LRRC7: variants seen among roughly 807,000 people sequenced by gnomAD.
The protein encoded by LRRC7 is leucine-rich repeat-containing protein 7.
LRRC7 carries 23 observed loss-of-function variants against 175.7 expected under a neutral mutation model. The ratio of observed to expected loss-of-function variants is 0.13; its 90% CI spans 0.09 to 0.19. The LOEUF is 0.19. Ranked by LOEUF, LRRC7 falls within the 10% of genes least tolerant of loss-of-function variation. The probability of loss-of-function intolerance (pLI) is 1.00; values close to 1 mark genes in which losing one functional copy is unlikely to be tolerated. For synonymous variants in LRRC7, 685 were observed against 680.9 expected, an observed-to-expected ratio of 1.01 and a Z score of -0.09; for missense variants, 1,354 against 1,904.7, an observed-to-expected ratio of 0.71 and a Z score of 5.38.
intron 1 of LRRC7, among the ~76,000 whole-genome samples, chr1:69,664,289 A>G (rs1037081483): frequency 6.6e-6 from 1 of 152,190 alleles, no homozygotes; most frequent in Non-Finnish European, 1.5e-5. Flanking sequence ...TTTTTGATAG[A>G]CTGATTTCCT....
At chr1:70,073,369 T>C (rs1398891321) in intron 23 of LRRC7, among the ~76,000 whole-genome samples, 2 of 152,064 alleles carry the variant, frequency 1.3e-5, no homozygotes, top group Non-Finnish European at 1.5e-5. Flanking sequence ...CTGAAGGCTA[T>C]TACACCGGGA....
Position 70,125,652 on chromosome 1 carries a change from C to T in LRRC7, c.*3765C>T, listed in dbSNP as rs982616099. 2.7e-5 allele frequency among the ~76,000 whole-genome samples: 4 copies of T among 150,412 alleles called. No homozygotes were observed. The highest frequency in any genetic ancestry group is 2.0e-4 in the Admixed American group (3 of 15,106). ...CTAAAAATACAAAAAATTAGCCGGGCGTAGTGGCGGGCGCCTGTAGTCCCA... is the reference window on the plus strand; with the variant it reads ...CTAAAAATACAAAAAATTAGCCGGGTGTAGTGGCGGGCGCCTGTAGTCCCA... On this transcript the variant is annotated 3_prime_UTR_variant, in exon 27 of 27. Coordinates refer to ENST00000651989, the MANE Select transcript of LRRC7 (RefSeq NM_001370785.2).
chr1:69,864,099 A>G (rs530066593), intron 7 of LRRC7, among the ~76,000 whole-genome samples: 2 of 152,324 alleles, frequency 1.3e-5, no homozygotes, highest in Non-Finnish European at 2.9e-5. Context: ...GCTCTTTCAG[A>G]AAGCCTTTTC....
intron 2 of LRRC7, among the ~76,000 whole-genome samples, chr1:69,741,225 A>C (rs1668672564): frequency 6.6e-6 from 1 of 151,924 alleles, no homozygotes; most frequent in African/African-American, 2.4e-5. Flanking sequence ...TTATGCTTAA[A>C]TTTTTTAAAA....
At chr1:69,661,191 G>A (rs939809079) in intron 1 of LRRC7, among the ~76,000 whole-genome samples, 11 of 151,956 alleles carry the variant, frequency 7.2e-5, no homozygotes, top group African/African-American at 2.7e-4. Context: ...TAATGCTCGT[G>A]GAACTAACAC....
At chr1:69,925,332 A>G (rs1180402016) in intron 7 of LRRC7, among the ~76,000 whole-genome samples, 2 of 152,034 alleles carry the variant, frequency 1.3e-5, no homozygotes. Context: ...GTTAGGGAGG[A>G]TTCCTTCTTT....
intron 7 of LRRC7, among the ~76,000 whole-genome samples, chr1:69,890,377 C>T (rs1443954183): frequency 6.6e-6 from 1 of 152,168 alleles, no homozygotes; most frequent in Non-Finnish European, 1.5e-5. Context: ...TGAAAGGAAT[C>T]TTTGTTTCTG....
At chr1:69,653,152 G>A (rs141627940) in intron 1 of LRRC7, among the ~76,000 whole-genome samples, 26 of 151,978 alleles carry the variant, frequency 1.7e-4, no homozygotes, top group African/African-American at 6.3e-4. Flanking sequence ...GAATAAAAAG[G>A]CAACTACAGA....
At chr1:69,891,556 A>T (rs1645833632) in intron 7 of LRRC7, among the ~76,000 whole-genome samples, 1 of 152,060 alleles carries the variant, frequency 6.6e-6, no homozygotes, top group Admixed American at 6.6e-5. Flanking sequence ...ACATGGTGAA[A>T]CCCCACCTCT....
intron 7 of LRRC7, among the ~76,000 whole-genome samples, chr1:69,868,567 A>C (rs1243267222): frequency 6.6e-6 from 1 of 152,092 alleles, no homozygotes; most frequent in African/African-American, 2.4e-5. Flanking sequence ...GATGGCAGAG[A>C]GTCATCAGAG....
intron 1 of LRRC7, among the ~76,000 whole-genome samples, chr1:69,653,804 T>G (rs1656210902): frequency 6.6e-6 from 1 of 152,070 alleles, no homozygotes. Flanking sequence ...GCCTGTCACG[T>G]GCAAAAACAT....
chr1:69,751,830 G>C (rs749262246), intron 2 of LRRC7, among the ~76,000 whole-genome samples: 15 of 152,082 alleles, frequency 9.9e-5, no homozygotes, highest in Non-Finnish European at 1.9e-4. Context: ...TATGTAATAA[G>C]CTCCTTCTTG....
intron 13 of LRRC7, among the ~76,000 whole-genome samples, 165 bp downstream of exon 13, chr1:70,013,254 A>G (rs1312392525): frequency 6.6e-6 from 1 of 151,928 alleles, no homozygotes; most frequent in Non-Finnish European, 1.5e-5. Flanking sequence ...TTTTAAACCA[A>G]GTATTTCTGA....
At chr1:69,768,903 T>C (rs1421767599) in intron 3 of LRRC7, among the ~76,000 whole-genome samples, 1 of 152,192 alleles carries the variant, frequency 6.6e-6, no homozygotes, top group East Asian at 1.9e-4. Flanking sequence ...AATAAAGGAA[T>C]GTGCTGTTTG....
In LRRC7 at chr1:69,708,454, T is replaced by C. The variant is rs2056442; in HGVS notation, c.100+29976T>C. On this transcript the variant is annotated intron_variant, in intron 2 of 26. Coordinates refer to ENST00000651989, the MANE Select transcript of LRRC7 (RefSeq NM_001370785.2). Reference sequence around the variant, plus strand: ...TACCTTAGTGCCTTTTTGAACGTTGTTTCTTCTCCCAGAATTTTCTTCCTT... The same window carrying C: ...TACCTTAGTGCCTTTTTGAACGTTGCTTCTTCTCCCAGAATTTTCTTCCTT... Among the ~76,000 whole-genome samples the C allele has an allele frequency of 5.9e-3, 906 of 152,282 alleles. 22 individuals are homozygous for C. Among genetic ancestry groups the C allele is most frequent in the East Asian group, 0.052 (269 of 5,184 alleles).
chr1:69,999,680 T>C (rs1655341722), intron 11 of LRRC7, among the ~76,000 whole-genome samples: 1 of 152,204 alleles, frequency 6.6e-6, no homozygotes, highest in African/African-American at 2.4e-5. Flanking sequence ...CACTTCTGAT[T>C]CTGTCAGTTC....
intron 7 of LRRC7, among the ~76,000 whole-genome samples, chr1:69,897,114 A>G (rs374550858): frequency 1.4e-4 from 21 of 152,296 alleles, no homozygotes; most frequent in East Asian, 1.4e-3. Flanking sequence ...TTGAAGATGT[A>G]CAACCCAACA....
At chr1:69,953,695 A>T (rs1650187920) in intron 8 of LRRC7, among the ~76,000 whole-genome samples, 1 of 152,026 alleles carries the variant, frequency 6.6e-6, no homozygotes. Context: ...AACTGCACTA[A>T]CTAGGATGGG....
At chr1:69,818,213 A>G (rs1406104053) in intron 4 of LRRC7, among the ~76,000 whole-genome samples, 2 of 152,068 alleles carry the variant, frequency 1.3e-5, no homozygotes, top group Non-Finnish European at 2.9e-5. Flanking sequence ...AAAGCTTTCA[A>G]CTTTTCACTG....
Sources: gnomAD v4.1 joint callset for allele counts (sites outside exome capture counted in the v4.1 genomes callset) on GRCh38, gnomAD v4.1.1 for gene constraint, MANE v1.5 for transcripts, NCBI Gene and HGNC (gene_info 2026-07-23, HGNC 2026-07-21) for gene names.